Variants in GNG12 observed in about 807,000 individuals in gnomAD.
GNG12 encodes the protein G protein subunit gamma 12.
For synonymous variants in GNG12, 28 were observed against 29.7 expected, an observed-to-expected ratio of 0.94 and a Z score of 0.19; for missense variants, 69 against 83.8, an observed-to-expected ratio of 0.82 and a Z score of 0.69.
intron 1 of GNG12, among the ~76,000 whole-genome samples, chr1:67,815,023 T>C (rs11209159): frequency 0.011 from 1,724 of 152,328 alleles, 31 homozygotes; most frequent in African/African-American, 0.04. Context: ...TTTATCCAGT[T>C]TGTGGCCATT....
At chr1:67,722,446 G>A (rs1646361550) in intron 2 of GNG12, among the ~76,000 whole-genome samples, 1 of 152,142 alleles carries the variant, frequency 6.6e-6, no homozygotes, top group African/African-American at 2.4e-5. Flanking sequence ...GATGGACTGA[G>A]TCCTGCACAT....
intron 1 of GNG12, among the ~76,000 whole-genome samples, chr1:67,781,198 A>G (rs1288827609): frequency 6.6e-6 from 1 of 152,200 alleles, no homozygotes; most frequent in Admixed American, 6.5e-5. Flanking sequence ...AGTCAGCCAT[A>G]ACATCCACCC....
intron 2 of GNG12, among the ~76,000 whole-genome samples, chr1:67,758,932 A>C (rs1199072571): frequency 6.6e-6 from 1 of 152,188 alleles, no homozygotes; most frequent in Non-Finnish European, 1.5e-5. Flanking sequence ...CCCAAAATAC[A>C]GTTAGGGAGA....
At chr1:67,708,101 C>G (rs186130622) in intron 2 of GNG12, among the ~76,000 whole-genome samples, 1 of 152,220 alleles carries the variant, frequency 6.6e-6, no homozygotes, top group Non-Finnish European at 1.5e-5. Flanking sequence ...TTTAATATTA[C>G]TGCTACCTAC....
At chr1:67,805,052 T>C (rs1646887240) in intron 1 of GNG12, among the ~76,000 whole-genome samples, 1 of 152,184 alleles carries the variant, frequency 6.6e-6, no homozygotes, top group African/African-American at 2.4e-5. Flanking sequence ...GAGCCTAACT[T>C]ATCTGGGGAA....
chr1:67,716,937 T>C (rs1646328802), intron 2 of GNG12, among the ~76,000 whole-genome samples: 1 of 152,148 alleles, frequency 6.6e-6, no homozygotes, highest in Non-Finnish European at 1.5e-5. Context: ...CAAGGATCCA[T>C]GAGAATGAGC....
At position 67,804,454 on chromosome 1, in the gene GNG12, T is replaced by TGAG. The variant is rs566489252; in HGVS notation, c.-76-26950_-76-26948dup. 9.2e-5 allele frequency among the ~76,000 whole-genome samples: 14 copies of TGAG among 152,242 alleles called. No homozygotes were observed. In the South Asian group the frequency reaches 2.9e-3, roughly 32 times the overall value. On this transcript the variant is annotated intron_variant, in intron 1 of 3. Coordinates refer to ENST00000370982, the MANE Select transcript of GNG12 (RefSeq NM_018841.6). ...TAGGTGCACATTAACTCTGTCCAGT[T>TGAG]GAGACAACTGATATGACTCCATAGT...
At chr1:67,818,412 G>GTTTTTT (rs1336642112) in intron 1 of GNG12, among the ~76,000 whole-genome samples, 1 of 112,606 alleles carries the variant, frequency 8.9e-6, no homozygotes, top group African/African-American at 3.9e-5. Flanking sequence ...AAAGACCAGG[G>GTTTTTT]GTTTTTTTTT....
intron 2 of GNG12, among the ~76,000 whole-genome samples, chr1:67,752,757 T>C (rs1338151351): frequency 6.6e-6 from 1 of 152,250 alleles, no homozygotes; most frequent in Admixed American, 6.5e-5. Context: ...TAAGGTATCA[T>C]TACTTTATTT....
chr1:67,820,914 A>G (rs116692052), intron 1 of GNG12, among the ~76,000 whole-genome samples: 2,377 of 152,370 alleles, frequency 0.016, 68 homozygotes, highest in African/African-American at 0.054. Flanking sequence ...TTTAATTGAT[A>G]TTAAAGATGA....
chr1:67,768,935 T>C (rs1646656657), intron 2 of GNG12, among the ~76,000 whole-genome samples: 1 of 152,148 alleles, frequency 6.6e-6, no homozygotes, highest in Admixed American at 6.5e-5. Flanking sequence ...GGGAGTTGAG[T>C]TCTGCTATCT....
At chr1:67,745,169 A>T (rs1282771744) in intron 2 of GNG12, among the ~76,000 whole-genome samples, 1 of 152,222 alleles carries the variant, frequency 6.6e-6, no homozygotes, top group African/African-American at 2.4e-5. Context: ...TTGTATGGGT[A>T]CTTATACACA....
rs749455450 is a variant in GNG12, at chr1:67,745,580, A to G, written c.-27+31878T>C. Among the ~76,000 whole-genome samples the G allele has an allele frequency of 2.5e-4, 38 of 152,260 alleles. 2 individuals are homozygous for G. The highest frequency in any genetic ancestry group is 2.2e-4 in the Non-Finnish European group (15 of 68,014). On this transcript the variant is annotated intron_variant, in intron 2 of 3. Coordinates refer to ENST00000370982, the MANE Select transcript of GNG12 (RefSeq NM_018841.6). Reference sequence around the variant, plus strand: ...TTTGCATCTCTATTTCTTCTCTCTAAAATGGAGAAAATGGTGTCCGTCCCC... The same window carrying G: ...TTTGCATCTCTATTTCTTCTCTCTAGAATGGAGAAAATGGTGTCCGTCCCC...
chr1:67,786,935 A>ATATGTGTGTG (rs1332684243), intron 1 of GNG12, among the ~76,000 whole-genome samples: 24 of 133,464 alleles, frequency 1.8e-4, no homozygotes, highest in Middle Eastern at 3.7e-3. Flanking sequence ...TTATATATAT[A>ATATGTGTGTG]TGTGTGTGTG....
chr1:67,740,264 G>A (rs997286330), intron 2 of GNG12, among the ~76,000 whole-genome samples: 2 of 152,248 alleles, frequency 1.3e-5, no homozygotes, highest in African/African-American at 4.8e-5. Flanking sequence ...TCTTACCACT[G>A]TTGTTTGAAC....
chr1:67,755,386 T>C (rs1646562181), intron 2 of GNG12, among the ~76,000 whole-genome samples: 1 of 152,238 alleles, frequency 6.6e-6, no homozygotes. Flanking sequence ...TAGAGGTACT[T>C]ATTAGGTACA....
chr1:67,742,524 A>T (rs1388502212), intron 2 of GNG12, among the ~76,000 whole-genome samples: 1 of 152,170 alleles, frequency 6.6e-6, no homozygotes, highest in East Asian at 1.9e-4. Flanking sequence ...CAATTACTCT[A>T]TGAGATAAGT....
chr1:67,772,657 C>T (rs1003006189), intron 2 of GNG12: 1 of 152,200 alleles, frequency 6.6e-6, no homozygotes, highest in Non-Finnish European at 1.5e-5. Context: ...AACACTACCC[C>T]TCCTTTTTCC....
At chr1:67,819,702 T>C (rs561019129) in intron 1 of GNG12, among the ~76,000 whole-genome samples, 20 of 152,320 alleles carry the variant, frequency 1.3e-4, no homozygotes, top group Non-Finnish European at 2.1e-4. Context: ...TCCAAACTTA[T>C]CTCCTACCAT....
Sources: allele counts gnomAD v4.1 joint callset (sites outside exome capture counted in the v4.1 genomes callset), GRCh38; gene constraint gnomAD v4.1.1; transcripts MANE v1.5; gene names NCBI Gene and HGNC (gene_info 2026-07-23, HGNC 2026-07-21).